CLMP: variants seen among roughly 807,000 people sequenced by gnomAD.
CLMP encodes CXADR-like membrane protein.
CLMP carries 27 observed loss-of-function variants against 45.2 expected under a neutral mutation model. The observed-to-expected ratio is 0.60, with a 90% confidence interval of 0.44 to 0.82. The LOEUF (loss-of-function observed/expected upper bound fraction) is 0.82, where lower values mean the gene tolerates loss of function less well. Ranked by LOEUF, CLMP falls within the 40% of genes least tolerant of loss-of-function variation. CLMP has a pLI of 0.00. For synonymous variants in CLMP, 167 were observed against 171.4 expected (o/e 0.97, Z 0.20); for missense variants, 403 against 448.4 (o/e 0.90, Z 0.91).
intron 1 of CLMP, among the ~76,000 whole-genome samples, chr11:123,158,409 G>T (rs1861442916): frequency 6.6e-6 from 1 of 152,220 alleles, no homozygotes; most frequent in African/African-American, 2.4e-5. Context: ...AGGATCGGCG[G>T]AAGGTTTGAG....
Position 123,074,713 on chromosome 11 carries a change from A to G in CLMP, c.810T>C (p.Pro270=). The G allele has an allele frequency of 6.2e-7, 1 of 1,613,998 alleles. No individual in the cohort carries two copies. The highest frequency in any genetic ancestry group is 8.5e-7 in the Non-Finnish European group (1 of 1,179,946). ...DKERYEEEER[P]NEIREDAEAP... ...TGTGGGAGGTTTACCGAATTTCATTAGGTCTCTCTTCTTCCTCATATCTTT... is the reference window on the plus strand; with the variant it reads ...TGTGGGAGGTTTACCGAATTTCATTGGGTCTCTCTTCTTCCTCATATCTTT... Residue 270 remains proline, a synonymous_variant, in exon 6 of 7, where the codon CCT becomes CCC. Coordinates refer to ENST00000448775, the MANE Select transcript of CLMP (RefSeq NM_024769.5).
chr11:123,075,589 G>C (rs1254597159), intron 5 of CLMP, among the ~76,000 whole-genome samples: 2 of 151,660 alleles, frequency 1.3e-5, no homozygotes, highest in East Asian at 4.0e-4. Context: ...GGGTTTCACC[G>C]TGTTAGCCAG....
intron 1 of CLMP, among the ~76,000 whole-genome samples, chr11:123,133,995 C>A (rs1015883604): frequency 5.3e-5 from 8 of 152,142 alleles, no homozygotes; most frequent in Non-Finnish European, 1.2e-4. Flanking sequence ...GGCAGTGGCT[C>A]CTGTCTATAA....
chr11:123,124,928 G>C (rs1300398130), intron 1 of CLMP, among the ~76,000 whole-genome samples: 1 of 152,058 alleles, frequency 6.6e-6, no homozygotes, highest in Non-Finnish European at 1.5e-5. Flanking sequence ...ACAGGGTCTG[G>C]CTCTGTCACC....
intron 2 of CLMP, among the ~76,000 whole-genome samples, chr11:123,086,731 G>A (rs1865869212): frequency 6.6e-6 from 1 of 152,044 alleles, no homozygotes; most frequent in Admixed American, 6.6e-5. Context: ...TATTTGTGGG[G>A]GCCAGATGCG....
rs1865713383 is a variant in CLMP, at chr11:123,074,648, TAG to T, written c.821+52_821+53del. 2.6e-6 allele frequency: 4 copies of T among 1,564,958 alleles called. No homozygotes were observed. The East Asian group carries it at 9.0e-5, about 35-fold the overall frequency. On this transcript the variant is annotated intron_variant, in intron 6 of 6. Transcript: ENST00000448775. The stretch of plus-strand genomic sequence containing the variant: ...GAACATTTATGTTGGCTGGTCACTA[TAG>T]TGCTGGCCCTAAAACAGAAGCCCCG...
At chr11:123,124,110 G>A (rs915205283) in intron 1 of CLMP, among the ~76,000 whole-genome samples, 1 of 152,118 alleles carries the variant, frequency 6.6e-6, no homozygotes, top group African/African-American at 2.4e-5. Context: ...ACAGAGAACA[G>A]CCCTGTTATA....
intron 1 of CLMP, among the ~76,000 whole-genome samples, chr11:123,156,246 A>G (rs1861413137): frequency 6.6e-6 from 1 of 152,244 alleles, no homozygotes; most frequent in African/African-American, 2.4e-5. Context: ...CTCACCTGAC[A>G]CTGAATTTGT....
At chr11:123,168,564 C>T (rs192101295) in intron 1 of CLMP, among the ~76,000 whole-genome samples, 103 of 152,224 alleles carry the variant, frequency 6.8e-4, no homozygotes, top group Admixed American at 2.2e-3. Context: ...CCCTGGGAGC[C>T]GGGTAGGACA....
chr11:123,173,310 A>G lies in CLMP; in HGVS notation c.28+21603T>C, dbSNP rs547734895. On this transcript the variant is annotated intron_variant, in intron 1 of 6. Transcript: ENST00000448775. The stretch of plus-strand genomic sequence containing the variant: ...CAGCACATAGCCTGGGTTTTCTTGG[A>G]GAGTCCCTGTTCTATCCTGTTATTC... Among the ~76,000 whole-genome samples the G allele has an allele frequency of 2.6e-5, 4 of 152,344 alleles. No individual in the cohort carries two copies. The South Asian group carries it at 8.3e-4, about 32-fold the overall frequency.
chr11:123,167,560 C>T (rs1861575373), intron 1 of CLMP, among the ~76,000 whole-genome samples: 2 of 152,004 alleles, frequency 1.3e-5, no homozygotes, highest in South Asian at 4.1e-4. Flanking sequence ...GCTGGGATTA[C>T]AGGCATGAGC....
chr11:123,127,642 A>G (rs1353826772), intron 1 of CLMP, among the ~76,000 whole-genome samples: 1 of 152,194 alleles, frequency 6.6e-6, no homozygotes. Flanking sequence ...AACAACCCAG[A>G]TAAAGATATG....
At chr11:123,112,898 T>C (rs1260740925) in intron 1 of CLMP, among the ~76,000 whole-genome samples, 1 of 150,594 alleles carries the variant, frequency 6.6e-6, no homozygotes, top group African/African-American at 2.4e-5. Flanking sequence ...CTCAGCCTCC[T>C]GCATAGCTGG....
At chr11:123,152,989 C>T (rs1861362062) in intron 1 of CLMP, among the ~76,000 whole-genome samples, 1 of 152,184 alleles carries the variant, frequency 6.6e-6, no homozygotes, top group Non-Finnish European at 1.5e-5. Context: ...TACAAATTGC[C>T]CCCAGAGGAA....
intron 5 of CLMP, 107 bp from the exon 6 acceptor site, chr11:123,074,950 G>A: frequency 7.5e-6 from 9 of 1,201,668 alleles, no homozygotes; most frequent in Non-Finnish European, 1.0e-5. Context: ...TTGCAGGTTT[G>A]TTTGTTTTGT....
chr11:123,124,583 C>T (rs1563964), intron 1 of CLMP, among the ~76,000 whole-genome samples: 32,627 of 152,194 alleles, frequency 0.21, 4,397 homozygotes, highest in African/African-American at 0.38. Context: ...CATCTGCTTA[C>T]ATCACTTTTT....
At chr11:123,117,354 T>C (rs1280762218) in intron 1 of CLMP, among the ~76,000 whole-genome samples, 1 of 152,016 alleles carries the variant, frequency 6.6e-6, no homozygotes, top group Non-Finnish European at 1.5e-5. Flanking sequence ...GAGATAATAA[T>C]TGGTAGAGCC....
intron 1 of CLMP, among the ~76,000 whole-genome samples, chr11:123,194,592 A>G (rs1191753340): frequency 6.6e-6 from 1 of 152,110 alleles, no homozygotes; most frequent in African/African-American, 2.4e-5. Context: ...TGGCACAAAA[A>G]TTCCTGGATA....
chr11:123,188,475 CTT>C (rs982968642), intron 1 of CLMP, among the ~76,000 whole-genome samples: 25 of 152,216 alleles, frequency 1.6e-4, no homozygotes, highest in African/African-American at 4.8e-4. Flanking sequence ...TCCTCCTCTC[CTT>C]TCTTCTCCTC....
Sources: allele counts gnomAD v4.1 joint callset (sites outside exome capture counted in the v4.1 genomes callset), GRCh38; gene constraint gnomAD v4.1.1; transcripts MANE v1.5; gene names NCBI Gene and HGNC (gene_info 2026-07-23, HGNC 2026-07-21).